The following DIAPH2 variants were observed in gnomAD, a reference collection of about 807,000 sequenced individuals.
The protein encoded by DIAPH2 is protein diaphanous homolog 2.
DIAPH2 carries 35 observed loss-of-function variants against 92.7 expected under a neutral mutation model. The ratio of observed to expected loss-of-function variants is 0.38; its 90% CI spans 0.29 to 0.50. The LOEUF is 0.50. Ranked by LOEUF, DIAPH2 falls within the 20% of genes least tolerant of loss-of-function variation. DIAPH2 has a pLI of 0.94. For missense variants in DIAPH2, 701 were observed against 819.5 expected (o/e 0.86, Z 1.77); for synonymous variants, 301 against 280.4 (o/e 1.07, Z -0.73).
chrX:97,272,079 A>G (rs761639998), intron 23 of DIAPH2, among the ~76,000 whole-genome samples: 1 of 109,660 alleles, frequency 9.1e-6, no homozygotes, highest in Non-Finnish European at 1.9e-5. Context: ...GCTCACTGCA[A>G]CCTCCACCTC....
At chrX:97,085,712 C>T (rs780944591) in intron 19 of DIAPH2, among the ~76,000 whole-genome samples, 49 of 111,797 alleles carry the variant, frequency 4.4e-4, no homozygotes, top group African/African-American at 1.3e-3. Flanking sequence ...CCACCGCGGC[C>T]GGCCAAGAAT....
chrX:97,199,828 G>C lies in DIAPH2; in HGVS notation c.2720-47887G>C, dbSNP rs988473674. 6.3e-5 allele frequency among the ~76,000 whole-genome samples: 7 copies of C among 111,496 alleles called. No homozygotes were observed. The South Asian group carries it at 2.6e-3, about 42-fold the overall frequency. On this transcript the variant is annotated intron_variant, in intron 22 of 26. Transcript: ENST00000324765. ...AGCCATGAAGAAATCAGAATATTTG[G>C]TCTGTTGTATTTCCTTTCTAAGTAC...
At chrX:97,338,985 T>C (rs2069089474) in intron 23 of DIAPH2, among the ~76,000 whole-genome samples, 1 of 111,863 alleles carries the variant, frequency 8.9e-6, no homozygotes, top group Non-Finnish European at 1.9e-5. Context: ...TACATTAAAG[T>C]ATAAAGGAAA....
chrX:96,851,664 A>G (rs1194661853), intron 4 of DIAPH2, among the ~76,000 whole-genome samples: 1 of 112,336 alleles, frequency 8.9e-6, no homozygotes, highest in Non-Finnish European at 1.9e-5. Flanking sequence ...CGGTACAGAC[A>G]ATCATCCATT....
At chrX:97,104,505 C>T (rs1475290040) in intron 20 of DIAPH2, among the ~76,000 whole-genome samples, 1 of 110,115 alleles carries the variant, frequency 9.1e-6, no homozygotes, top group East Asian at 2.9e-4. Flanking sequence ...CCTCCCACCT[C>T]AACCTCCTGA....
chrX:96,754,001 C>T (rs972755969), intron 3 of DIAPH2, among the ~76,000 whole-genome samples: 6 of 112,276 alleles, frequency 5.3e-5, no homozygotes, highest in African/African-American at 1.9e-4. Context: ...AGCCACATGC[C>T]TGCACTCTAG....
At chrX:97,005,609 G>A (rs867999384) in intron 17 of DIAPH2, among the ~76,000 whole-genome samples, 2 of 110,754 alleles carry the variant, frequency 1.8e-5, no homozygotes, top group South Asian at 3.8e-4. Context: ...GCGTGATCTC[G>A]GCTCACTGCA....
Position 96,939,390 on chromosome X carries a change from G to A in DIAPH2, c.1325+8G>A, listed in dbSNP as rs1273464841. 2.5e-6 allele frequency: 2 copies of A among 794,184 alleles called. No homozygotes were observed. Among genetic ancestry groups the A allele is most frequent in the Admixed American group, 2.5e-5 (1 of 40,232 alleles). 65.4% of individuals were successfully genotyped at this position (794,184 alleles called of 1,213,427 possible). On this transcript the variant is annotated splice_region_variant and intron_variant, in intron 12 of 26. Transcript: ENST00000324765. ...AAATGATTATTATATCAGGTAAGAG[G>A]CAGTTCTGAGAGTACTATATTTATA...
intron 1 of DIAPH2, among the ~76,000 whole-genome samples, chrX:96,690,242 C>T (rs963036981): frequency 9.0e-6 from 1 of 110,916 alleles, no homozygotes; most frequent in African/African-American, 3.3e-5. Flanking sequence ...GAATATGGAA[C>T]GGAGAGCCAA....
At chrX:97,499,631 A>ATCATATTCTATG (rs2070781578) in intron 26 of DIAPH2, among the ~76,000 whole-genome samples, 1 of 112,004 alleles carries the variant, frequency 8.9e-6, no homozygotes, top group African/African-American at 3.2e-5. Context: ...CATTCTATGA[A>ATCATATTCTATG]AAAGACACCT....
chrX:97,122,459 G>A (rs1407222907), intron 21 of DIAPH2, among the ~76,000 whole-genome samples: 1 of 111,669 alleles, frequency 9.0e-6, no homozygotes, highest in Non-Finnish European at 1.9e-5. Context: ...GCTCTCCAGA[G>A]AGATGATCTT....
intron 26 of DIAPH2, among the ~76,000 whole-genome samples, chrX:97,437,716 A>G (rs886720452): frequency 1.7e-4 from 19 of 108,936 alleles, no homozygotes; most frequent in African/African-American, 6.0e-4. Flanking sequence ...AGTTTGTTGT[A>G]GCAAAGAGCC....
intron 26 of DIAPH2, among the ~76,000 whole-genome samples, chrX:97,467,750 C>T (rs1327710469): frequency 9.8e-5 from 11 of 112,139 alleles, no homozygotes; most frequent in African/African-American, 3.6e-4. Flanking sequence ...AACACCTTTG[C>T]AAAATCCTAG....
intron 22 of DIAPH2, among the ~76,000 whole-genome samples, chrX:97,240,213 TGTTA>T (rs767009153): frequency 1.8e-5 from 2 of 111,619 alleles, no homozygotes; most frequent in South Asian, 3.8e-4. Context: ...ATAAATTGGC[TGTTA>T]GTTAGTGTAA....
chrX:96,860,431 C>A (rs2065066692), intron 4 of DIAPH2, among the ~76,000 whole-genome samples: 1 of 111,597 alleles, frequency 9.0e-6, no homozygotes, highest in Non-Finnish European at 1.9e-5. Flanking sequence ...AATGAGGTAT[C>A]ATTTTCCATC....
At chrX:96,928,009 A>C (rs1311571634) in intron 9 of DIAPH2, among the ~76,000 whole-genome samples, 2 of 111,589 alleles carry the variant, frequency 1.8e-5, no homozygotes, top group African/African-American at 6.5e-5. Flanking sequence ...AGCATGTTGC[A>C]CCAGTTAAAT....
intron 24 of DIAPH2, among the ~76,000 whole-genome samples, chrX:97,359,570 CTTTTTTTT>C (rs1162203236): frequency 1.5e-5 from 1 of 66,702 alleles, no homozygotes; most frequent in Admixed American, 1.8e-4. Flanking sequence ...CATGGATAAT[CTTTTTTTT>C]TTTTTTTTTT....
chrX:96,946,428 C>G (rs1461435707), intron 14 of DIAPH2, among the ~76,000 whole-genome samples: 1 of 111,749 alleles, frequency 8.9e-6, no homozygotes. Context: ...TTACATATTG[C>G]TGTCTCTTCA....
chrX:97,144,879 C>G (rs1486548372), intron 22 of DIAPH2, among the ~76,000 whole-genome samples: 3 of 111,886 alleles, frequency 2.7e-5, no homozygotes, highest in Non-Finnish European at 5.6e-5. Flanking sequence ...ATTCTCCTAC[C>G]TCAGCCTCCC....
Sources: allele counts gnomAD v4.1 joint callset (sites outside exome capture counted in the v4.1 genomes callset), GRCh38; gene constraint gnomAD v4.1.1; transcripts MANE v1.5; gene names NCBI Gene and HGNC (gene_info 2026-07-23, HGNC 2026-07-21).